HEATR1: variants seen among roughly 807,000 people sequenced by gnomAD.
The protein encoded by HEATR1 is HEAT repeat-containing protein 1.
HEATR1 carries 77 observed loss-of-function variants against 248.2 expected under a neutral mutation model. That is an observed-to-expected ratio of 0.31 (90% CI 0.26 to 0.37). The LOEUF (loss-of-function observed/expected upper bound fraction) is 0.37. HEATR1 is among the 10% of genes least tolerant of loss of function. HEATR1 has a pLI of 1.00. For synonymous variants in HEATR1, 897 were observed against 923.1 expected (o/e 0.97, Z 0.51); for missense variants, 2,420 against 2,504.9 (o/e 0.97, Z 0.72).
intron 9 of HEATR1, among the ~76,000 whole-genome samples, chr1:236,592,834 C>T (rs74363289): frequency 0.06 from 9,184 of 152,198 alleles, 417 homozygotes; most frequent in East Asian, 0.24. Context: ...CCAGCACTTT[C>T]GGAGGCCGGG....
At chr1:236,591,843 G>A (rs373509521) in intron 11 of HEATR1, 150 bp downstream of exon 11, 21 of 504,292 alleles carry the variant, frequency 4.2e-5, no homozygotes, top group East Asian at 1.4e-4. Context: ...CCTCAGAGCC[G>A]TACTTCAGGC....
At chr1:236,600,118 A>ATTTTTTT (rs67344658) in intron 3 of HEATR1, among the ~76,000 whole-genome samples, 3 of 50,286 alleles carry the variant, frequency 6.0e-5, no homozygotes, top group African/African-American at 8.0e-5. Context: ...GTCTGTCAAC[A>ATTTTTTT]TTTTTTTTTT....
rs781210802 is a variant in HEATR1, at chr1:236,585,144, G to C, written c.2122C>G (p.Leu708Val). The C allele has an allele frequency of 6.2e-7, 1 of 1,614,012 alleles. No individual in the cohort carries two copies. The highest frequency in any genetic ancestry group is 8.5e-7 in the Non-Finnish European group (1 of 1,179,940). ...GAACAACAAGAGACGAGCACAGACA[G>C]GATCACATGAAACGTTACTTTCTGC... ...LKQKVTFHVI[L>V]SVLVSCCSSL... Residue 708 changes from leucine (L) to valine (V), a missense_variant, in exon 17 of 45, where the codon CTG becomes GTG. Physicochemically the swap from Leu to Val is conservative, Grantham distance 32. Coordinates refer to ENST00000366582, the MANE Select transcript of HEATR1 (RefSeq NM_018072.6).
intron 1 of HEATR1, 44 bp from the exon 2 acceptor site, chr1:236,604,171 A>C: frequency 3.4e-6 from 5 of 1,459,140 alleles, no homozygotes; most frequent in Non-Finnish European, 3.6e-6. Context: ...CGAAATTATA[A>C]GGCGCCTCGT....
intron 20 of HEATR1, among the ~76,000 whole-genome samples, chr1:236,580,581 A>C (rs1663695797): frequency 1.4e-5 from 2 of 143,580 alleles, no homozygotes; most frequent in Non-Finnish European, 3.0e-5. Flanking sequence ...CAGTGGTGCA[A>C]TCACAGCTCA....
Position 236,555,346 on chromosome 1 carries a change from A to G in HEATR1, c.5873T>C (p.Leu1958Ser). 1.2e-6 allele frequency: 2 copies of G among 1,614,254 alleles called. No individual in the cohort carries two copies. Among genetic ancestry groups the G allele is most frequent in the Non-Finnish European group, 1.7e-6 (2 of 1,180,048 alleles). Residue 1958 changes from leucine to serine, a missense_variant, in exon 41 of 45, where the codon TTA becomes TCA. Physicochemically the swap from Leu to Ser is moderately radical, Grantham distance 145. Transcript: ENST00000366582. ...KGLFTLFAGH[L>S]VKPFADTLNQ... Reference sequence around the variant, plus strand: ...CAAGGTGTCAGCAAAAGGCTTCACTAAGTGGCCGGCAAACAGAGTAAAAAG... The same window carrying G: ...CAAGGTGTCAGCAAAAGGCTTCACTGAGTGGCCGGCAAACAGAGTAAAAAG...
chr1:236,561,401 T>G (rs901005002), intron 32 of HEATR1, 130 bp from the exon 33 acceptor site: 5 of 735,322 alleles, frequency 6.8e-6, no homozygotes, highest in Non-Finnish European at 1.2e-5. Context: ...CATTACAATT[T>G]AATCAGGTTC....
intron 15 of HEATR1, 119 bp from the exon 16 acceptor site, chr1:236,586,060 G>A: frequency 7.4e-7 from 1 of 1,357,536 alleles, no homozygotes; most frequent in South Asian, 1.3e-5. Context: ...ATTTTTCCTT[G>A]TATCCGATTC....
At position 236,595,813 on chromosome 1, in the gene HEATR1, CTCAAT is replaced by C. The variant is rs770343444; in HGVS notation, c.956+15_956+19del. On this transcript the variant is annotated intron_variant, in intron 7 of 44. Transcript: ENST00000366582. ...TATTCACCTCTGACTAGCACCATTT[CTCAAT>C]TCAATTGTACATACTTTTTCCCAAG... The C allele has an allele frequency of 1.9e-5, 31 of 1,594,718 alleles. No homozygotes were observed. Among genetic ancestry groups the C allele is most frequent in the Non-Finnish European group, 2.7e-5 (31 of 1,163,046 alleles).
intron 21 of HEATR1, 47 bp downstream of exon 21, chr1:236,576,733 T>C: frequency 6.5e-7 from 1 of 1,538,598 alleles, no homozygotes; most frequent in Non-Finnish European, 8.8e-7. Context: ...ATTGCTCCAG[T>C]ACACAGAGGC....
rs761020654 is a variant in HEATR1 at position 236,585,178 on chromosome 1, A to G, written c.2088T>C (p.Phe696=). ...GAAACGTTACTTTCTGCTTCAGGTT[A>G]AAGGACTCCTCCTCACCCACGCTTA... The part of the protein sequence containing the change: ...DLISVGEEES[F]NLKQKVTFHV... The change falls in exon 17 of 45, where the codon TTT becomes TTC. Residue 696 remains phenylalanine, a synonymous_variant. Coordinates refer to ENST00000366582, the MANE Select transcript of HEATR1 (RefSeq NM_018072.6). The G allele has an allele frequency of 1.7e-5, 28 of 1,613,754 alleles. No individual in the cohort carries two copies. The highest frequency in any genetic ancestry group is 6.8e-6 in the Non-Finnish European group (8 of 1,179,882).
rs1248705746 is a variant in HEATR1 at position 236,599,545 on chromosome 1, C to T, written c.439G>A (p.Val147Ile). ...PYHETRIFVRVIQLLKINNSK... is the reference protein window; with the variant it reads ...PYHETRIFVRIIQLLKINNSK... ...TTATTAATTTTTAGAAGCTGTATGA[C>T]TCGCACAAATATTCTTGTCTCGTGG... The change falls in exon 4 of 45, where the codon GTC becomes ATC. Residue 147 changes from valine (V) to isoleucine (I), a missense_variant. Val to Ile is a conservative substitution (Grantham distance 29). Coordinates refer to ENST00000366582, the MANE Select transcript of HEATR1 (RefSeq NM_018072.6). 6.2e-7 allele frequency: 1 copy of T among 1,613,750 alleles called. No homozygotes were observed. The highest frequency in any genetic ancestry group is 1.7e-5 in the Admixed American group (1 of 59,994).
At chr1:236,579,393 A>G (rs1443871902) in intron 20 of HEATR1, among the ~76,000 whole-genome samples, 1 of 152,264 alleles carries the variant, frequency 6.6e-6, no homozygotes, top group African/African-American at 2.4e-5. Context: ...TATATGACTC[A>G]GAGGCCACTG....
chr1:236,584,024 G>T (rs776367735), intron 17 of HEATR1, among the ~76,000 whole-genome samples: 6 of 152,262 alleles, frequency 3.9e-5, no homozygotes, highest in African/African-American at 1.4e-4. Context: ...CTCTGTACAA[G>T]CAGTACAGAG....
Position 236,550,962 on chromosome 1 carries a change from G to T in HEATR1, c.6375C>A (p.Cys2125Ter). 6.4e-7 allele frequency: 1 copy of T among 1,570,458 alleles called. No individual in the cohort carries two copies. ...TTTCCAGTTGCTGAATAGTCTTTTG[G>T]CACTGATGTTCTACTTCTTCACATT... ...EDECEEVEHQ[C>*]QKTIQQLETV... Residue 2125 changes from cysteine to a stop codon, truncating the protein, a stop_gained, in exon 45 of 45, where the codon TGC (cysteine) becomes TGA (stop). Coordinates refer to ENST00000366582, the MANE Select transcript of HEATR1 (RefSeq NM_018072.6). LOFTEE classifies it high-confidence loss of function.
chr1:236,560,864 T>C (rs1663113081), intron 33 of HEATR1, among the ~76,000 whole-genome samples: 1 of 152,228 alleles, frequency 6.6e-6, no homozygotes, highest in Non-Finnish European at 1.5e-5. Flanking sequence ...ACATGGATCA[T>C]GATGCAGAAA....
intron 4 of HEATR1, 27 bp downstream of exon 4, chr1:236,599,454 TAC>T: frequency 6.3e-7 from 1 of 1,592,684 alleles, no homozygotes; most frequent in Non-Finnish European, 8.6e-7. Context: ...CTGTAATGAT[TAC>T]AGACATATGT....
intron 10 of HEATR1, 27 bp downstream of exon 10, chr1:236,592,496 G>T (rs1187152322): frequency 2.3e-6 from 2 of 886,582 alleles, no homozygotes; most frequent in South Asian, 2.8e-5. Flanking sequence ...TACTTTAGAA[G>T]AGCATAAACA....
At position 236,574,374 on chromosome 1, in the gene HEATR1, AG is replaced by A. The variant is rs1435676779; in HGVS notation, c.3328-42del. Reference sequence around the variant, plus strand: ...AAAAGGCAACTGAGTTCAGTGAACAAGTTTAAATTCCAGAAATAATTTTTAT... The same window carrying A: ...AAAAGGCAACTGAGTTCAGTGAACAATTTAAATTCCAGAAATAATTTTTAT... On this transcript the variant is annotated intron_variant, in intron 23 of 44. Coordinates refer to ENST00000366582, the MANE Select transcript of HEATR1 (RefSeq NM_018072.6). 10 of 1,566,936 alleles carry A rather than the reference AG, an allele frequency of 6.4e-6. No individual in the cohort carries two copies. The Admixed American group carries it at 2.2e-4, about 34-fold the overall frequency.
Sources: allele counts gnomAD v4.1 joint callset (sites outside exome capture counted in the v4.1 genomes callset), GRCh38; gene constraint gnomAD v4.1.1; transcripts MANE v1.5; gene names NCBI Gene and HGNC (gene_info 2026-07-23, HGNC 2026-07-21).